SPTA1: variants seen among roughly 807,000 people sequenced by gnomAD.
SPTA1 encodes spectrin alpha chain, erythrocytic 1.
SPTA1 carries 177 observed loss-of-function variants against 324.7 expected under a neutral mutation model. The ratio of observed to expected loss-of-function variants is 0.55; its 90% confidence interval spans 0.48 to 0.62. The LOEUF is 0.62. SPTA1 is among the 20% of genes least tolerant of loss of function. The pLI is 0.00. For synonymous variants in SPTA1, 1,195 were observed against 1,041.3 expected, an observed-to-expected ratio of 1.15 and a Z score of -2.84; for missense variants, 3,162 against 2,883.6, an observed-to-expected ratio of 1.10 and a Z score of -2.21.
Position 158,666,496 on chromosome 1 carries a change from C to T in SPTA1, c.2040G>A (p.Gly680=), listed in dbSNP as rs907836584. ...GCTGGTTGGCCTCATGCAACTGGGT[C>T]CCTGGGAGAAGACATAAGGTAGAAG... ...EELLEATKQK[G]TQLHEANQQL... Residue 680 remains glycine, a splice_region_variant and synonymous_variant, in exon 16 of 52, where the codon GGG becomes GGA. Coordinates refer to ENST00000643759, the MANE Select transcript of SPTA1 (RefSeq NM_003126.4). 7.5e-6 allele frequency: 12 copies of T among 1,607,394 alleles called. No individual in the cohort carries two copies. Among genetic ancestry groups the T allele is most frequent in the African/African-American group, 2.7e-5 (2 of 75,004 alleles).
In SPTA1 at chr1:158,649,954, G is replaced by T. The variant is rs1241759775; in HGVS notation, c.3478-7C>A. ...CCCAGCGGGAATTCAATTCCTAAAA[G>T]AGGCAAAAACATCAGACTTGAGACA... On this transcript the variant is annotated splice_region_variant and splice_polypyrimidine_tract_variant and intron_variant, in intron 24 of 51. Coordinates refer to ENST00000643759, the MANE Select transcript of SPTA1 (RefSeq NM_003126.4). The T allele has an allele frequency of 3.1e-6, 5 of 1,606,684 alleles. No homozygotes were observed. Among genetic ancestry groups the T allele is most frequent in the Non-Finnish European group, 3.4e-6 (4 of 1,174,290 alleles).
chr1:158,620,130 C>G, intron 44 of SPTA1, 40 bp downstream of exon 44: 1 of 1,612,270 alleles, frequency 6.2e-7, no homozygotes, highest in East Asian at 2.2e-5. Flanking sequence ...TGGTTATGTT[C>G]ACTGTAGTGA....
chr1:158,640,798 G>GA (rs1285129932), intron 33 of SPTA1, among the ~76,000 whole-genome samples: 3 of 152,066 alleles, frequency 2.0e-5, no homozygotes, highest in Non-Finnish European at 4.4e-5. Flanking sequence ...CACAGAATTG[G>GA]AAAAAACTAC....
intron 29 of SPTA1, among the ~76,000 whole-genome samples, chr1:158,644,635 A>G (rs189477903): frequency 5.9e-5 from 9 of 152,042 alleles, no homozygotes; most frequent in African/African-American, 2.2e-4. Flanking sequence ...TATTTCTTAA[A>G]CCTTGTTAAT....
intron 12 of SPTA1, among the ~76,000 whole-genome samples, chr1:158,670,325 T>G (rs974723632): frequency 6.6e-6 from 1 of 152,214 alleles, no homozygotes; most frequent in Non-Finnish European, 1.5e-5. Context: ...GAGCTCAGAA[T>G]TAATTGATTG....
At chr1:158,643,655 T>C (rs1277084008) in intron 30 of SPTA1, among the ~76,000 whole-genome samples, 3 of 152,326 alleles carry the variant, frequency 2.0e-5, no homozygotes, top group African/African-American at 7.2e-5. Context: ...CAGACACTTC[T>C]CATGACCATT....
chr1:158,673,778 T>C (rs1654194348), intron 10 of SPTA1, among the ~76,000 whole-genome samples: 1 of 152,094 alleles, frequency 6.6e-6, no homozygotes, highest in South Asian at 2.1e-4. Context: ...AGAGGGTTGA[T>C]GAAATAAATG....
At chr1:158,632,210 A>G (rs928748401) in intron 39 of SPTA1, among the ~76,000 whole-genome samples, 1 of 152,216 alleles carries the variant, frequency 6.6e-6, no homozygotes, top group African/African-American at 2.4e-5. Flanking sequence ...GATACATGCT[A>G]CATGATTCCA....
chr1:158,654,266 A>G (rs1171363809), intron 21 of SPTA1, among the ~76,000 whole-genome samples: 1 of 152,210 alleles, frequency 6.6e-6, no homozygotes, highest in Non-Finnish European at 1.5e-5. Context: ...CACTAGAAAT[A>G]CTGGCACAGA....
rs777545043 is a variant in SPTA1, at chr1:158,620,207, A to G, written c.6380T>C (p.Leu2127Pro). ...SPYTWLTVEV[L>P]ERTWKHLSDI... ...AGATAGGTGCTTCCAGGTCCTTTCC[A>G]GCACCTCCACTGTTAACCAGGTATA... The change falls in exon 44 of 52, where the codon CTG becomes CCG. Residue 2127 changes from leucine to proline, a missense_variant. Physicochemically the swap from Leu to Pro is moderately conservative, Grantham distance 98. Transcript: ENST00000643759. 1.2e-6 allele frequency: 2 copies of G among 1,614,028 alleles called. No homozygotes were observed. The highest frequency in any genetic ancestry group is 8.5e-7 in the Non-Finnish European group (1 of 1,180,032).
At chr1:158,677,613 G>C in intron 7 of SPTA1, 77 bp downstream of exon 7, 2 of 1,563,018 alleles carry the variant, frequency 1.3e-6, no homozygotes, top group Non-Finnish European at 1.7e-6. Context: ...CTCTCTGGAG[G>C]CACGGTAATA....
At chr1:158,645,101 A>G in intron 29 of SPTA1, 87 bp downstream of exon 29, 1 of 1,392,844 alleles carries the variant, frequency 7.2e-7, no homozygotes, top group Non-Finnish European at 1.0e-6. Flanking sequence ...TGGAAAGTCT[A>G]GTGAACGGAG....
At chr1:158,638,004 C>T (rs773284960) in intron 36 of SPTA1, 29 bp downstream of exon 36, 59 of 1,608,980 alleles carry the variant, frequency 3.7e-5, no homozygotes, top group Non-Finnish European at 4.7e-5. Flanking sequence ...CTTGTATTAT[C>T]CACACATTTT....
intron 31 of SPTA1, 81 bp from the exon 32 acceptor site, chr1:158,643,057 T>C: frequency 6.4e-7 from 1 of 1,563,768 alleles, no homozygotes; most frequent in South Asian, 1.1e-5. Context: ...TCTTCCCATT[T>C]GCCAACATGC....
chr1:158,679,787 T>G (rs1442038035), intron 5 of SPTA1, among the ~76,000 whole-genome samples: 1 of 152,060 alleles, frequency 6.6e-6, no homozygotes, highest in East Asian at 1.9e-4. Context: ...AATAGATAAA[T>G]GAAAAACTTC....
At chr1:158,649,131 T>C (rs1652226636) in intron 25 of SPTA1, among the ~76,000 whole-genome samples, 2 of 152,220 alleles carry the variant, frequency 1.3e-5, no homozygotes, top group South Asian at 4.1e-4. Context: ...CTTTTTTGTA[T>C]GTGTCTTTGT....
chr1:158,678,343 G>T, intron 6 of SPTA1, 58 bp downstream of exon 6: 2 of 1,607,832 alleles, frequency 1.2e-6, no homozygotes, highest in Non-Finnish European at 1.7e-6. Context: ...CTAATACAAA[G>T]ACACGGTTTT....
chr1:158,643,292 T>C (rs374708823), intron 31 of SPTA1, 30 bp downstream of exon 31: 641 of 1,611,496 alleles, frequency 4.0e-4, no homozygotes, highest in Non-Finnish European at 5.1e-4. Context: ...TATCTTCCTT[T>C]GGCACATAAA....
chr1:158,619,358 C>T (rs778867074), intron 44 of SPTA1, 24 bp from the exon 45 acceptor site: 118 of 1,610,484 alleles, frequency 7.3e-5, no homozygotes, highest in Middle Eastern at 1.6e-4. Context: ...TCACAGACAA[C>T]GTGACTGACA....
Sources: gnomAD v4.1 joint callset for allele counts (sites outside exome capture counted in the v4.1 genomes callset) on GRCh38, gnomAD v4.1.1 for gene constraint, MANE v1.5 for transcripts, NCBI Gene and HGNC (gene_info 2026-07-23, HGNC 2026-07-21) for gene names.